The following KMT2C variants were observed in gnomAD, a reference collection of about 807,000 sequenced individuals.
KMT2C encodes lysine methyltransferase 2C.
KMT2C carries 88 observed loss-of-function variants against 507.9 expected under a neutral mutation model. The observed-to-expected ratio is 0.17, with a 90% confidence interval of 0.15 to 0.21. The LOEUF is 0.21. Among genes scored for constraint, KMT2C ranks in the 10% least tolerant of loss-of-function variants. The probability of loss-of-function intolerance (pLI) is 1.00; values close to 1 mark genes in which losing one functional copy is unlikely to be tolerated. For synonymous variants in KMT2C, 2,049 were observed against 2,080.8 expected (o/e 0.98, Z 0.42); for missense variants, 4,954 against 5,957.8 (o/e 0.83, Z 5.55).
intron 9 of KMT2C, among the ~76,000 whole-genome samples, chr7:152,255,622 G>T (rs1042296999): frequency 6.6e-6 from 1 of 152,106 alleles, no homozygotes; most frequent in African/African-American, 2.4e-5. Context: ...AACATTACCA[G>T]ATACTACAAA....
At chr7:152,258,498 T>TTTGTTG (rs202144630) in intron 9 of KMT2C, among the ~76,000 whole-genome samples, 5 of 151,452 alleles carry the variant, frequency 3.3e-5, no homozygotes, top group South Asian at 2.1e-4. Flanking sequence ...AGGCAGTAAG[T>TTTGTTG]TTGTTGTTGT....
At position 152,435,983 on chromosome 7, in the gene KMT2C, A is replaced by G. The variant is rs555443889; in HGVS notation, c.-197T>C. On this transcript the variant is annotated 5_prime_UTR_variant, in exon 1 of 59. An upstream start codon of the reference 5' UTR is lost. Transcript: ENST00000262189. ...GCGAGCAGGACACGCACTCACACAC[A>G]TCGGCGCGGGCGCGCGCACCTCCGC... 7 of 298,942 alleles carry G rather than the reference A, an allele frequency of 2.3e-5. No individual in the cohort carries two copies. The highest frequency in any genetic ancestry group is 5.6e-5 in the Admixed American group (1 of 17,816). The allele number at this position is 298,942 out of a possible 1,614,324, so 18.5% of individuals were successfully genotyped here.
chr7:152,411,291 T>G (rs1254202920), intron 1 of KMT2C, among the ~76,000 whole-genome samples: 1 of 152,204 alleles, frequency 6.6e-6, no homozygotes, highest in African/African-American at 2.4e-5. Flanking sequence ...GATAAGACTT[T>G]CAGCTTCATC....
intron 6 of KMT2C, among the ~76,000 whole-genome samples, chr7:152,290,378 T>G (rs997740763): frequency 2.2e-4 from 30 of 136,622 alleles, no homozygotes; most frequent in African/African-American, 7.8e-4. Context: ...TGGCACAATC[T>G]CGGCTCACTG....
chr7:152,286,722 G>C (rs571641817), intron 6 of KMT2C, among the ~76,000 whole-genome samples: 64 of 152,222 alleles, frequency 4.2e-4, no homozygotes, highest in Middle Eastern at 3.4e-3. Flanking sequence ...TGTAGAGAGA[G>C]GGCAGACCAA....
chr7:152,366,330 A>G (rs1033379599), intron 1 of KMT2C, among the ~76,000 whole-genome samples: 2 of 152,234 alleles, frequency 1.3e-5, no homozygotes, highest in African/African-American at 4.8e-5. Flanking sequence ...TAAATAAAAC[A>G]TAATTAACAG....
intron 9 of KMT2C, among the ~76,000 whole-genome samples, chr7:152,257,752 T>C (rs1244603825): frequency 1.3e-5 from 2 of 152,022 alleles, no homozygotes; most frequent in Non-Finnish European, 2.9e-5. Flanking sequence ...ACGTTAAGTG[T>C]AGGGGTGTTC....
intron 24 of KMT2C, 38 bp from the exon 25 acceptor site, chr7:152,205,263 T>C (rs1215327509): frequency 1.9e-6 from 3 of 1,587,440 alleles, no homozygotes; most frequent in Non-Finnish European, 2.6e-6. Context: ...GATAAGTAAT[T>C]TCTCCCTACA....
intron 2 of KMT2C, among the ~76,000 whole-genome samples, chr7:152,331,125 T>C (rs899127103): frequency 2.2e-4 from 33 of 152,054 alleles, no homozygotes; most frequent in African/African-American, 7.2e-4. Context: ...CTGGGCAAGA[T>C]GGTGAAACCT....
intron 14 of KMT2C, among the ~76,000 whole-genome samples, chr7:152,246,448 A>C (rs1021703989): frequency 4.6e-5 from 7 of 152,130 alleles, no homozygotes; most frequent in African/African-American, 1.7e-4. Flanking sequence ...CCCCCTCCCC[A>C]ATATTTCGGA....
intron 31 of KMT2C, among the ~76,000 whole-genome samples, chr7:152,188,958 C>T (rs944377416): frequency 1.3e-5 from 2 of 152,106 alleles, no homozygotes; most frequent in Admixed American, 6.5e-5. Context: ...TTTGAGTAAG[C>T]AATATATCTA....
At chr7:152,306,927 G>C (rs2129196859) in intron 6 of KMT2C, among the ~76,000 whole-genome samples, 1 of 152,308 alleles carries the variant, frequency 6.6e-6, no homozygotes, top group African/African-American at 2.4e-5. Context: ...GGGAGGATGA[G>C]GTGGGAGTAT....
At chr7:152,298,851 A>T (rs1180616870) in intron 6 of KMT2C, among the ~76,000 whole-genome samples, 1 of 152,222 alleles carries the variant, frequency 6.6e-6, no homozygotes, top group East Asian at 1.9e-4. Context: ...GCAATAGCAC[A>T]AAGTGCACGA....
intron 6 of KMT2C, among the ~76,000 whole-genome samples, chr7:152,290,287 T>C (rs2096400114): frequency 2.6e-5 from 1 of 38,062 alleles, no homozygotes; most frequent in African/African-American, 1.4e-4. Flanking sequence ...TATATATATA[T>C]ATATATATTT....
At chr7:152,423,964 T>C (rs1022685755) in intron 1 of KMT2C, among the ~76,000 whole-genome samples, 2 of 152,234 alleles carry the variant, frequency 1.3e-5, no homozygotes, top group African/African-American at 4.8e-5. Context: ...CAATTCCATT[T>C]TTAAATACTA....
chr7:152,396,421 C>T (rs1043534924), intron 1 of KMT2C, among the ~76,000 whole-genome samples: 1 of 152,038 alleles, frequency 6.6e-6, no homozygotes, highest in Non-Finnish European at 1.5e-5. Context: ...TAATATAGTA[C>T]GTGTAAAGCA....
Position 152,435,747 on chromosome 7 carries a change from G to A in KMT2C, c.40C>T (p.Pro14Ser), listed in dbSNP as rs1191245918. 2 of 1,519,402 alleles carry A rather than the reference G, an allele frequency of 1.3e-6. No individual in the cohort carries two copies. The highest frequency in any genetic ancestry group is 1.8e-6 in the Non-Finnish European group (2 of 1,131,940). The allele number at this position is 1,519,402 out of a possible 1,614,324, so 94.1% of individuals were successfully genotyped here. Reference sequence around the variant, plus strand: ...GGCTCCTCGGGGGGTGGTGGCGGCGGCTGCGGCTGCTCCACGCTCTTGTCC... The same window carrying A: ...GGCTCCTCGGGGGGTGGTGGCGGCGACTGCGGCTGCTCCACGCTCTTGTCC... ...EEDKSVEQPQ[P>S]PPPPPEEPGA... Residue 14 changes from proline (P) to serine (S), a missense_variant, in exon 1 of 59, where the codon CCG (proline) becomes TCG (serine). By Grantham distance (74) the Pro-to-Ser change is moderately conservative. Transcript: ENST00000262189.
At chr7:152,341,705 A>G (rs1303753820) in intron 2 of KMT2C, among the ~76,000 whole-genome samples, 1 of 152,208 alleles carries the variant, frequency 6.6e-6, no homozygotes, top group Non-Finnish European at 1.5e-5. Flanking sequence ...TCCAAAGAAA[A>G]ACCTGATACT....
rs192526870 is a variant in KMT2C, at chr7:152,156,472, C to T, written c.11671-126G>A. ...CTACAGAAATGTAATCAAGATGTAT[C>T]TTGCACACCAAGAAAACAATACCTA... On this transcript the variant is annotated intron_variant, in intron 44 of 58. Coordinates refer to ENST00000262189, the MANE Select transcript of KMT2C (RefSeq NM_170606.3). 37 of 1,196,466 alleles carry T rather than the reference C, an allele frequency of 3.1e-5. No homozygotes were observed. In the East Asian group the frequency reaches 4.8e-4, roughly 16 times the overall value. The allele number at this position is 1,196,466 out of a possible 1,614,324, so 74.1% of individuals were successfully genotyped here.
Sources: gnomAD v4.1 joint callset for allele counts (sites outside exome capture counted in the v4.1 genomes callset) on GRCh38, gnomAD v4.1.1 for gene constraint, MANE v1.5 for transcripts, NCBI Gene and HGNC (gene_info 2026-07-23, HGNC 2026-07-21) for gene names.